CSMD1: variants seen among roughly 807,000 people sequenced by gnomAD.
CSMD1 encodes CUB and sushi domain-containing protein 1.
CSMD1 carries 213 observed loss-of-function variants against 417.5 expected under a neutral mutation model. The ratio of observed to expected loss-of-function variants is 0.51; its 90% CI spans 0.46 to 0.57. The LOEUF (loss-of-function observed/expected upper bound fraction) is 0.57. Ranked by LOEUF, CSMD1 falls within the 20% of genes least tolerant of loss-of-function variation. The probability of loss-of-function intolerance (pLI) is 0.00; values close to 1 mark genes in which losing one functional copy is unlikely to be tolerated. For synonymous variants in CSMD1, 2,862 were observed against 1,736.8 expected (o/e 1.65, Z -16.11); for missense variants, 6,923 against 4,529.7 (o/e 1.53, Z -15.17).
At chr8:3,969,343 C>A (rs1160408182) in intron 5 of CSMD1, among the ~76,000 whole-genome samples, 1 of 152,170 alleles carries the variant, frequency 6.6e-6, no homozygotes, top group Non-Finnish European at 1.5e-5. Context: ...TACTTGCTTC[C>A]TAATGGAACA....
intron 7 of CSMD1, among the ~76,000 whole-genome samples, chr8:3,678,941 T>C (rs568791337): frequency 3.3e-4 from 50 of 152,128 alleles, no homozygotes; most frequent in African/African-American, 1.1e-3. Flanking sequence ...CAAATTAAGC[T>C]TCATAAGTGA....
chr8:4,963,143 A>G (rs1201656538), intron 1 of CSMD1, among the ~76,000 whole-genome samples: 1 of 152,138 alleles, frequency 6.6e-6, no homozygotes, highest in Non-Finnish European at 1.5e-5. Flanking sequence ...CAGGCAGTCA[A>G]TTGCCCTCTG....
rs144241717 is a variant in CSMD1 at position 3,884,864 on chromosome 8, G to C, written c.818+113039C>G. 4.6e-3 allele frequency among the ~76,000 whole-genome samples: 690 copies of C among 150,878 alleles called. 14 individuals carry two copies. The highest frequency in any genetic ancestry group is 0.034 in the Admixed American group (510 of 15,092). ...CTGTGTATGAAAATGCCAAGGCTGAGAATTTTGCTACCATAAAAATTATAA... is the reference window on the plus strand; with the variant it reads ...CTGTGTATGAAAATGCCAAGGCTGACAATTTTGCTACCATAAAAATTATAA... On this transcript the variant is annotated intron_variant, in intron 5 of 69. Coordinates refer to ENST00000635120, the MANE Select transcript of CSMD1 (RefSeq NM_033225.6).
chr8:4,365,868 A>G (rs957500673), intron 3 of CSMD1, among the ~76,000 whole-genome samples: 1 of 152,198 alleles, frequency 6.6e-6, no homozygotes, highest in Non-Finnish European at 1.5e-5. Context: ...AATCTACTTA[A>G]AGAGTAATTT....
chr8:3,819,510 A>T (rs561511820), intron 5 of CSMD1, among the ~76,000 whole-genome samples: 1 of 150,420 alleles, frequency 6.6e-6, no homozygotes, highest in Non-Finnish European at 1.5e-5. Flanking sequence ...AGAATGCTGG[A>T]GCTCAAAAGC....
intron 26 of CSMD1, among the ~76,000 whole-genome samples, chr8:3,233,841 T>G (rs1798994098): frequency 1.4e-5 from 2 of 145,980 alleles, no homozygotes; most frequent in Non-Finnish European, 3.0e-5. Context: ...AGGATCTGCC[T>G]GGAACAACAG....
chr8:3,519,607 G>T (rs534127026), intron 10 of CSMD1, among the ~76,000 whole-genome samples: 4 of 152,268 alleles, frequency 2.6e-5, no homozygotes, highest in African/African-American at 9.6e-5. Flanking sequence ...AGAAAGGGAT[G>T]AGGCAATGTG....
intron 2 of CSMD1, among the ~76,000 whole-genome samples, chr8:4,571,068 A>G (rs536839570): frequency 6.6e-6 from 1 of 151,966 alleles, no homozygotes; most frequent in South Asian, 2.1e-4. Context: ...CAGTCTATCA[A>G]TTTGTTAATC....
In CSMD1 at chr8:4,509,600, C is replaced by G. The variant is rs912076621; in HGVS notation, c.303-89535G>C. Among the ~76,000 whole-genome samples the G allele has an allele frequency of 5.3e-5, 8 of 152,228 alleles. No homozygotes were observed. The East Asian group carries it at 5.8e-4, about 11-fold the overall frequency. The stretch of plus-strand genomic sequence containing the variant: ...CCTGCAGAGCGAAAGCAGACACACC[C>G]CAGCCAAGTCACCCTGCAGACCATT... On this transcript the variant is annotated intron_variant, in intron 2 of 69. Coordinates refer to ENST00000635120, the MANE Select transcript of CSMD1 (RefSeq NM_033225.6).
chr8:2,999,876 A>G (rs1450585548), intron 53 of CSMD1, 82 bp downstream of exon 53: 1 of 1,169,940 alleles, frequency 8.5e-7, no homozygotes, highest in Non-Finnish European at 1.2e-6. Context: ...AAGATTAAAC[A>G]GGTGTATATT....
At chr8:3,694,048 T>G (rs1800407309) in intron 7 of CSMD1, among the ~76,000 whole-genome samples, 1 of 148,428 alleles carries the variant, frequency 6.7e-6, no homozygotes, top group South Asian at 2.1e-4. Flanking sequence ...GGTATGTGTG[T>G]TGTGTTAGTG....
intron 5 of CSMD1, among the ~76,000 whole-genome samples, chr8:3,768,059 T>C (rs1798381589): frequency 6.6e-6 from 1 of 152,156 alleles, no homozygotes; most frequent in African/African-American, 2.4e-5. Flanking sequence ...ACCCCGAGTA[T>C]AGACAGCTAC....
At chr8:4,520,611 A>G (rs1029469564) in intron 2 of CSMD1, among the ~76,000 whole-genome samples, 3 of 152,164 alleles carry the variant, frequency 2.0e-5, no homozygotes, top group Non-Finnish European at 4.4e-5. Context: ...AGCCAAACTC[A>G]GGAGTTCTTG....
At chr8:3,424,919 C>A (rs943684185) in intron 12 of CSMD1, among the ~76,000 whole-genome samples, 5 of 152,194 alleles carry the variant, frequency 3.3e-5, no homozygotes, top group African/African-American at 1.2e-4. Context: ...ACTATGATCT[C>A]AGGCTCCTGG....
At chr8:4,071,367 T>C (rs1416669013) in intron 3 of CSMD1, among the ~76,000 whole-genome samples, 1 of 151,768 alleles carries the variant, frequency 6.6e-6, no homozygotes, top group South Asian at 2.1e-4. Context: ...TGTCATTTTG[T>C]ATCTGTTAAG....
Position 3,185,226 on chromosome 8 carries a change from G to A in CSMD1, c.5620+2643C>T, listed in dbSNP as rs973575237. On this transcript the variant is annotated intron_variant, in intron 36 of 69. Transcript: ENST00000635120. Reference sequence around the variant, plus strand: ...TCCGTGCTAACTCCAGGAAATTAGCGTCAGAATTGCATTGCAGTGGTATTT... The same window carrying A: ...TCCGTGCTAACTCCAGGAAATTAGCATCAGAATTGCATTGCAGTGGTATTT... Among the ~76,000 whole-genome samples, 12 of 152,210 alleles carry A rather than the reference G, an allele frequency of 7.9e-5. 1 individual carries two copies. The South Asian group carries it at 1.0e-3, about 13-fold the overall frequency.
At chr8:4,418,086 A>G (rs964628766) in intron 3 of CSMD1, among the ~76,000 whole-genome samples, 5 of 152,096 alleles carry the variant, frequency 3.3e-5, no homozygotes, top group Non-Finnish European at 5.9e-5. Flanking sequence ...CATACTAAAT[A>G]CTAGATACAA....
intron 5 of CSMD1, among the ~76,000 whole-genome samples, chr8:3,864,770 G>C (rs78245293): frequency 0.013 from 2,015 of 152,230 alleles, 58 homozygotes; most frequent in African/African-American, 0.046. Flanking sequence ...CACCATCGTG[G>C]TTAACTAGAT....
chr8:3,483,458 C>G (rs1007580301), intron 11 of CSMD1, among the ~76,000 whole-genome samples: 1 of 151,894 alleles, frequency 6.6e-6, no homozygotes, highest in Non-Finnish European at 1.5e-5. Context: ...TCTAAATAGT[C>G]CTTTATTATA....
Sources: gnomAD v4.1 joint callset for allele counts (sites outside exome capture counted in the v4.1 genomes callset) on GRCh38, gnomAD v4.1.1 for gene constraint, MANE v1.5 for transcripts, NCBI Gene and HGNC (gene_info 2026-07-23, HGNC 2026-07-21) for gene names.